Variants in CR1 observed in about 807,000 individuals in gnomAD.
The protein encoded by CR1 is complement receptor type 1.
CR1 carries 116 observed loss-of-function variants against 187.3 expected under a neutral mutation model. The ratio of observed to expected loss-of-function variants is 0.62; its 90% CI spans 0.53 to 0.72. The LOEUF is 0.72. CR1 is among the 30% of genes least tolerant of loss of function. The pLI, the probability that CR1 is intolerant of heterozygous loss-of-function variation, is 0.00. For missense variants in CR1, 1,731 were observed against 2,110.7 expected (o/e 0.82, Z 3.52); for synonymous variants, 576 against 747.1 (o/e 0.77, Z 3.73).
chr1:207,579,369 C>T (rs942072910), intron 29 of CR1, among the ~76,000 whole-genome samples: 14 of 152,108 alleles, frequency 9.2e-5, no homozygotes, highest in African/African-American at 3.1e-4. Flanking sequence ...GGAAGATGAA[C>T]AGATAAAGGG....
chr1:207,582,157 G>A (rs34720009), intron 32 of CR1, among the ~76,000 whole-genome samples, 154 bp downstream of exon 32: 7,609 of 152,224 alleles, frequency 0.05, 314 homozygotes, highest in Non-Finnish European at 0.08. Context: ...ATGTTTTGGG[G>A]AAAAATAAAC....
At position 207,640,530 on chromosome 1, in the gene CR1, T is replaced by C. The variant is rs896707994; in HGVS notation, c.*1121T>C. On this transcript the variant is annotated 3_prime_UTR_variant, in exon 47 of 47. Coordinates refer to ENST00000367049, the MANE Select transcript of CR1 (RefSeq NM_000651.6). Reference sequence around the variant, plus strand: ...AATTGAAATGAAAGAATAATTGTTATTATAAAAGTACTAGCTTACTTTTGT... The same window carrying C: ...AATTGAAATGAAAGAATAATTGTTACTATAAAAGTACTAGCTTACTTTTGT... The C allele has an allele frequency of 6.6e-6, 1 of 152,252 alleles. No individual in the cohort carries two copies. Among genetic ancestry groups the C allele is most frequent in the Non-Finnish European group, 1.5e-5 (1 of 68,044 alleles). The allele number at this position is 152,252 out of a possible 1,614,324, so 9.4% of individuals were successfully genotyped here.
chr1:207,638,601 C>T (rs544952818), intron 46 of CR1, among the ~76,000 whole-genome samples: 1 of 152,352 alleles, frequency 6.6e-6, no homozygotes, highest in South Asian at 2.1e-4. Context: ...TGGATCAGTG[C>T]TTCCAAACCC....
At position 207,566,831 on chromosome 1, in the gene CR1, T is replaced by C. The variant is rs1358972662; in HGVS notation, c.3952+908T>C. On this transcript the variant is annotated intron_variant, in intron 24 of 46. Coordinates refer to ENST00000367049, the MANE Select transcript of CR1 (RefSeq NM_000651.6). ...GATTCTAATGATTGGAAAACGTGTT[T>C]CTTTAGAAAATCATGAAATTTTACT... 1.3e-5 allele frequency among the ~76,000 whole-genome samples: 2 copies of C among 150,392 alleles called. 1 individual carries two copies. The highest frequency in any genetic ancestry group is 5.0e-5 in the African/African-American group (2 of 39,758).
In CR1 at chr1:207,612,052, C is replaced by A; in HGVS notation, c.6575+11C>A. ...TGTTTGCGATGAAGGGTGAGTGTGA[C>A]CCAGCGTTGAGACCAAGGACTCAGT... On this transcript the variant is annotated intron_variant, in intron 39 of 46. Coordinates refer to ENST00000367049, the MANE Select transcript of CR1 (RefSeq NM_000651.6). 1 of 1,612,566 alleles carries A rather than the reference C, an allele frequency of 6.2e-7. No individual in the cohort carries two copies. Among genetic ancestry groups the A allele is most frequent in the Non-Finnish European group, 8.5e-7 (1 of 1,178,636 alleles).
At chr1:207,573,376 C>T (rs1053272315) in intron 27 of CR1, among the ~76,000 whole-genome samples, 1 of 152,156 alleles carries the variant, frequency 6.6e-6, no homozygotes, top group Non-Finnish European at 1.5e-5. Context: ...AATCCGATGT[C>T]TCCTTTTCTC....
intron 29 of CR1, 82 bp downstream of exon 29, chr1:207,578,285 G>A (rs1660830821): frequency 1.9e-6 from 3 of 1,610,680 alleles, no homozygotes; most frequent in Non-Finnish European, 2.5e-6. Flanking sequence ...TGTTAAGGGG[G>A]AGGTATGTAT....
At chr1:207,596,743 T>C (rs1369376490) in intron 35 of CR1, among the ~76,000 whole-genome samples, 1 of 149,154 alleles carries the variant, frequency 6.7e-6, no homozygotes, top group African/African-American at 2.4e-5. Context: ...GAAAAGGCTA[T>C]TGCAAGTACG....
rs776725333 is a variant in CR1, at chr1:207,618,063, GTTC to G, written c.6890-5_6890-3del. ...TTTTCTTGTGTTTGTGTGGGAACTT[GTTC>G]TTAGCCTGCCCACATCCACCCAAGA... On this transcript the variant is annotated splice_region_variant and splice_polypyrimidine_tract_variant and intron_variant, in intron 41 of 46. Transcript: ENST00000367049. The G allele has an allele frequency of 1.9e-6, 3 of 1,611,174 alleles. No homozygotes were observed. In the African/African-American group the frequency reaches 4.0e-5, roughly 21 times the overall value.
chr1:207,592,824 G>T (rs1441802637), intron 35 of CR1, among the ~76,000 whole-genome samples: 2 of 152,084 alleles, frequency 1.3e-5, no homozygotes, highest in African/African-American at 2.4e-5. Context: ...GCCAAATCAT[G>T]AGTGAACTCC....
At chr1:207,609,245 A>G in intron 36 of CR1, 45 bp from the exon 37 acceptor site, 2 of 1,468,816 alleles carry the variant, frequency 1.4e-6, no homozygotes, top group Non-Finnish European at 1.8e-6. Flanking sequence ...AAAATAATTC[A>G]TTATTAAAAA....
intron 41 of CR1, among the ~76,000 whole-genome samples, chr1:207,617,685 C>A (rs1662189174): frequency 1.0e-5 from 1 of 95,808 alleles, no homozygotes; most frequent in Admixed American, 1.2e-4. Flanking sequence ...GCCTCCATAG[C>A]TCATTCCTTT....
intron 24 of CR1, among the ~76,000 whole-genome samples, chr1:207,566,189 A>G (rs9429955): frequency 0.042 from 6,368 of 149,956 alleles, 1,102 homozygotes; most frequent in African/African-American, 0.15. Context: ...GAGATTAGAT[A>G]ATGTGAAGCT....
chr1:207,521,072 G>A (rs1346010158), intron 4 of CR1, among the ~76,000 whole-genome samples: 2 of 148,318 alleles, frequency 1.3e-5, no homozygotes, highest in African/African-American at 5.0e-5. Flanking sequence ...CGCCTCCGGG[G>A]TTCAAGTTAT....
chr1:207,617,923 A>T, intron 41 of CR1, 148 bp from the exon 42 acceptor site: 2 of 759,538 alleles, frequency 2.6e-6, no homozygotes, highest in Non-Finnish European at 4.2e-6. Flanking sequence ...TCTTTCACTG[A>T]TCAAATAGGA....
chr1:207,581,838 T>C, intron 31 of CR1, 80 bp from the exon 32 acceptor site: 1 of 936,250 alleles, frequency 1.1e-6, no homozygotes, highest in Non-Finnish European at 1.7e-6. Flanking sequence ...TTAGGAATTC[T>C]CAGGGAGGAG....
intron 32 of CR1, 146 bp downstream of exon 32, chr1:207,582,149 G>A (rs935850886): frequency 4.1e-6 from 2 of 492,018 alleles, no homozygotes; most frequent in African/African-American, 2.0e-5. Context: ...TACAAGCAAT[G>A]TTTTGGGGAA....
At chr1:207,608,413 T>C (rs1346798440) in intron 36 of CR1, among the ~76,000 whole-genome samples, 1 of 152,196 alleles carries the variant, frequency 6.6e-6, no homozygotes, top group African/African-American at 2.4e-5. Flanking sequence ...AATTAAATTG[T>C]TACAAATAGT....
At chr1:207,577,280 T>A (rs1337549021) in intron 28 of CR1, among the ~76,000 whole-genome samples, 3 of 149,680 alleles carry the variant, frequency 2.0e-5, no homozygotes, top group African/African-American at 7.4e-5. Context: ...AAAAAACACA[T>A]GGACTCTAAT....
Sources: gnomAD v4.1 joint callset for allele counts (sites outside exome capture counted in the v4.1 genomes callset) on GRCh38, gnomAD v4.1.1 for gene constraint, MANE v1.5 for transcripts, NCBI Gene and HGNC (gene_info 2026-07-23, HGNC 2026-07-21) for gene names.